LRP1B: variants seen among roughly 807,000 people sequenced by gnomAD.
The protein encoded by LRP1B is LDL receptor related protein 1B.
In LRP1B, 217 loss-of-function variants were observed where a neutral mutation model predicts 556.6. The observed-to-expected ratio is 0.39, with a 90% CI of 0.35 to 0.44. The LOEUF (loss-of-function observed/expected upper bound fraction) is 0.44, where lower values mean the gene tolerates loss of function less well. Among genes scored for constraint, LRP1B ranks in the 20% least tolerant of loss-of-function variants. The pLI is 1.00. For missense variants in LRP1B, 5,053 were observed against 5,620.8 expected (o/e 0.90, Z 3.23); for synonymous variants, 2,047 against 1,865.8 (o/e 1.10, Z -2.50).
chr2:140,479,979 T>C (rs1688164925), intron 59 of LRP1B, among the ~76,000 whole-genome samples: 1 of 152,194 alleles, frequency 6.6e-6, no homozygotes, highest in Non-Finnish European at 1.5e-5. Context: ...AAGGTCTCTG[T>C]AACTATAACC....
At chr2:140,266,201 TCTC>T (rs774263473) in intron 86 of LRP1B, among the ~76,000 whole-genome samples, 6 of 152,012 alleles carry the variant, frequency 3.9e-5, no homozygotes, top group Non-Finnish European at 7.4e-5. Flanking sequence ...CTCTACTTCT[TCTC>T]CTTTTGATTA....
intron 7 of LRP1B, among the ~76,000 whole-genome samples, chr2:141,128,752 C>G (rs1379238442): frequency 6.6e-6 from 1 of 152,178 alleles, no homozygotes; most frequent in Non-Finnish European, 1.5e-5. Flanking sequence ...TCCCGAGTAG[C>G]TGGGATTACA....
intron 67 of LRP1B, among the ~76,000 whole-genome samples, chr2:140,381,533 T>G (rs926930805): frequency 6.6e-6 from 1 of 152,076 alleles, no homozygotes; most frequent in Non-Finnish European, 1.5e-5. Context: ...ATGTTTTCCA[T>G]GTTTCAGAAG....
chr2:140,345,673 T>C (rs1558817744), intron 77 of LRP1B, among the ~76,000 whole-genome samples: 1 of 146,576 alleles, frequency 6.8e-6, no homozygotes, highest in Admixed American at 7.0e-5. Context: ...TATATATATA[T>C]AGATATATAT....
chr2:141,879,873 T>G (rs1369530), intron 1 of LRP1B, among the ~76,000 whole-genome samples: 55,048 of 151,800 alleles, frequency 0.36, 11,221 homozygotes, highest in Admixed American at 0.48. Flanking sequence ...TTCTTATCCC[T>G]AGATTATCAC....
chr2:140,624,102 G>T (rs1683565387), intron 41 of LRP1B, among the ~76,000 whole-genome samples: 1 of 151,824 alleles, frequency 6.6e-6, no homozygotes, highest in Non-Finnish European at 1.5e-5. Context: ...ACTGAATTTA[G>T]CTATGACTGA....
At chr2:141,004,003 T>C (rs1697499115) in intron 15 of LRP1B, among the ~76,000 whole-genome samples, 1 of 152,102 alleles carries the variant, frequency 6.6e-6, no homozygotes, top group South Asian at 2.1e-4. Flanking sequence ...TATTTTCTCA[T>C]ATGTCTTAAA....
chr2:141,973,863 C>T (rs186029489), intron 1 of LRP1B, among the ~76,000 whole-genome samples: 2 of 151,922 alleles, frequency 1.3e-5, no homozygotes, highest in Non-Finnish European at 2.9e-5. Context: ...TATTTTGAGA[C>T]TCACTTTGTT....
At chr2:140,721,277 A>T (rs1232468324) in intron 35 of LRP1B, among the ~76,000 whole-genome samples, 1 of 152,098 alleles carries the variant, frequency 6.6e-6, no homozygotes, top group Non-Finnish European at 1.5e-5. Flanking sequence ...GATTCTAAAA[A>T]TGATAAAGCA....
chr2:140,617,054 G>A lies in LRP1B; in HGVS notation c.6800-15415C>T, dbSNP rs150215195. ...TCACAGGTTAATGATGTGGGGACTC[G>A]GGTGTCACAAAACTTACATAATATC... On this transcript the variant is annotated intron_variant, in intron 41 of 90. Coordinates refer to ENST00000389484, the MANE Select transcript of LRP1B (RefSeq NM_018557.3). Among the ~76,000 whole-genome samples the A allele has an allele frequency of 2.7e-3, 413 of 151,976 alleles. 3 individuals are homozygous for A. The highest frequency in any genetic ancestry group is 9.7e-3 in the African/African-American group (401 of 41,518).
chr2:140,417,499 G>A (rs1024768038), intron 66 of LRP1B, among the ~76,000 whole-genome samples: 2 of 152,172 alleles, frequency 1.3e-5, no homozygotes, highest in African/African-American at 4.8e-5. Context: ...AAGGCAACAA[G>A]GCTTGTTTTT....
At chr2:140,678,804 GTCTC>G (rs1291936953) in intron 41 of LRP1B, among the ~76,000 whole-genome samples, 10 of 148,366 alleles carry the variant, frequency 6.7e-5, no homozygotes, top group African/African-American at 1.2e-4. Flanking sequence ...GGGGAATGGA[GTCTC>G]TCTCTGTCGC....
chr2:142,129,313 A>G (rs1707765008), intron 1 of LRP1B, among the ~76,000 whole-genome samples: 1 of 152,188 alleles, frequency 6.6e-6, no homozygotes, highest in African/African-American at 2.4e-5. Context: ...AAAGATTATC[A>G]CCAATAAGTG....
intron 7 of LRP1B, among the ~76,000 whole-genome samples, chr2:141,091,510 C>G (rs1002554412): frequency 6.6e-6 from 1 of 152,172 alleles, no homozygotes; most frequent in Non-Finnish European, 1.5e-5. Flanking sequence ...TCCAGGGACT[C>G]GTTTCCTCCC....
chr2:142,072,820 GTATTGAATAT>G lies in LRP1B; in HGVS notation c.82+57818_82+57827del, dbSNP rs763431458. Among the ~76,000 whole-genome samples, 28 of 152,110 alleles carry G rather than the reference GTATTGAATAT, an allele frequency of 1.8e-4. No individual in the cohort carries two copies. In the East Asian group the frequency reaches 4.7e-3, roughly 25 times the overall value. On this transcript the variant is annotated intron_variant, in intron 1 of 90. Transcript: ENST00000389484. ...TAGTGGGTATGTATTAAATGAATAT[GTATTGAATAT>G]AATTGAATAGAAGTTTGATGCATCT...
chr2:140,899,189 C>T (rs1177331827), intron 23 of LRP1B: 3 of 165,794 alleles, frequency 1.8e-5, no homozygotes, highest in African/African-American at 7.2e-5. Context: ...TCAAAGGCTC[C>T]TGTTGTTGTC....
chr2:140,329,564 A>T (rs776774215), intron 79 of LRP1B, among the ~76,000 whole-genome samples: 4 of 152,106 alleles, frequency 2.6e-5, no homozygotes, highest in Non-Finnish European at 5.9e-5. Flanking sequence ...ATACCAAATC[A>T]ATATGCAAAA....
intron 7 of LRP1B, among the ~76,000 whole-genome samples, chr2:141,084,891 C>T (rs1274663585): frequency 2.0e-5 from 3 of 151,998 alleles, no homozygotes; most frequent in South Asian, 2.1e-4. Context: ...CCTCGTGATC[C>T]GCCCGCCTCG....
At chr2:140,863,239 C>CTCCAA (rs1206194270) in intron 27 of LRP1B, among the ~76,000 whole-genome samples, 1 of 152,206 alleles carries the variant, frequency 6.6e-6, no homozygotes, top group African/African-American at 2.4e-5. Flanking sequence ...AATCCTGTCT[C>CTCCAA]TCCAATCAAT....
Sources: allele counts gnomAD v4.1 joint callset (sites outside exome capture counted in the v4.1 genomes callset), GRCh38; gene constraint gnomAD v4.1.1; transcripts MANE v1.5; gene names NCBI Gene and HGNC (gene_info 2026-07-23, HGNC 2026-07-21).